The following SMARCA2 variants were observed in gnomAD, a reference collection of about 807,000 sequenced individuals.
SMARCA2 encodes the protein SWI/SNF-related matrix-associated actin-dependent regulator of chromatin subfamily A member 2.
A neutral mutation model predicts 199.8 loss-of-function variants in SMARCA2; 61 were observed. The observed-to-expected ratio is 0.31, with a 90% CI of 0.25 to 0.38. The LOEUF is 0.38. Ranked by LOEUF, SMARCA2 falls within the 10% of genes least tolerant of loss-of-function variation. SMARCA2 has a pLI of 1.00. For synonymous variants in SMARCA2, 935 were observed against 732.0 expected, an observed-to-expected ratio of 1.28 and a Z score of -4.48; for missense variants, 1,344 against 2,012.2, an observed-to-expected ratio of 0.67 and a Z score of 6.35.
intron 16 of SMARCA2, among the ~76,000 whole-genome samples, 180 bp from the exon 17 acceptor site, chr9:2,083,906 A>T (rs775971223): frequency 6.6e-6 from 1 of 152,216 alleles, no homozygotes; most frequent in Non-Finnish European, 1.5e-5. Context: ...AAAAGATCTG[A>T]AAAGGGTCAA....
intron 28 of SMARCA2, among the ~76,000 whole-genome samples, chr9:2,167,521 C>T (rs1825995678): frequency 6.6e-6 from 1 of 152,190 alleles, no homozygotes; most frequent in African/African-American, 2.4e-5. Context: ...CTGGTCAGTG[C>T]CTGGTCAGTC....
intron 2 of SMARCA2, among the ~76,000 whole-genome samples, chr9:2,032,235 A>G (rs1188180469): frequency 1.3e-5 from 2 of 152,206 alleles, no homozygotes; most frequent in Non-Finnish European, 2.9e-5. Context: ...TTTCAAACAC[A>G]TGCTTCATTG....
At chr9:2,172,439 G>C (rs1449637847) in intron 29 of SMARCA2, among the ~76,000 whole-genome samples, 2 of 151,790 alleles carry the variant, frequency 1.3e-5, no homozygotes, top group Admixed American at 1.3e-4. Context: ...AGGATGGGTG[G>C]GGGGGCAGAG....
Position 2,134,576 on chromosome 9 carries a change from GCAGT to G in SMARCA2, c.3981+10643_3981+10646del, listed in dbSNP as rs538047980. Among the ~76,000 whole-genome samples, 677 of 152,300 alleles carry G rather than the reference GCAGT, an allele frequency of 4.4e-3. 4 individuals are homozygous for G. The highest frequency in any genetic ancestry group is 8.1e-3 in the Non-Finnish European group (552 of 68,022). ...GCCTGCAGGAAAAACAATGGGGCTA[GCAGT>G]CAGGAGCCTGGAATGTGAGTTCTGA... is the stretch of plus-strand genomic sequence containing the variant. On this transcript the variant is annotated intron_variant, in intron 27 of 33. Coordinates refer to ENST00000349721, the MANE Select transcript of SMARCA2 (RefSeq NM_003070.5).
chr9:2,062,213 G>T (rs7853411), intron 9 of SMARCA2, among the ~76,000 whole-genome samples: 23,276 of 152,060 alleles, frequency 0.15, 2,559 homozygotes, highest in African/African-American at 0.32. Flanking sequence ...ATGACTTCCA[G>T]AAAAAATTTT....
At chr9:2,025,040 C>A (rs562615735) in intron 1 of SMARCA2, among the ~76,000 whole-genome samples, 31 of 152,142 alleles carry the variant, frequency 2.0e-4, no homozygotes, top group African/African-American at 7.2e-4. Flanking sequence ...AAGTTGAACT[C>A]CTTTTAATAT....
chr9:2,052,616 T>A (rs1820173624), intron 5 of SMARCA2, among the ~76,000 whole-genome samples: 1 of 152,248 alleles, frequency 6.6e-6, no homozygotes, highest in Non-Finnish European at 1.5e-5. Flanking sequence ...GATACTATTT[T>A]TAGTGAAGTC....
chr9:2,177,983 T>C (rs1369581405), intron 29 of SMARCA2, among the ~76,000 whole-genome samples: 1 of 151,950 alleles, frequency 6.6e-6, no homozygotes, highest in Non-Finnish European at 1.5e-5. Flanking sequence ...ATAGTATAGA[T>C]GTGGAATTAT....
intron 29 of SMARCA2, among the ~76,000 whole-genome samples, chr9:2,178,672 C>A (rs936539902): frequency 1.3e-5 from 2 of 152,074 alleles, no homozygotes; most frequent in South Asian, 4.2e-4. Flanking sequence ...AAAGAAATGA[C>A]AAGAATTCAG....
chr9:2,176,182 G>GT (rs56186732), intron 29 of SMARCA2, among the ~76,000 whole-genome samples: 2,189 of 104,094 alleles, frequency 0.021, 38 homozygotes, highest in Middle Eastern at 0.05. Context: ...CGCCCGGCCT[G>GT]TTTTTTTTTT....
intron 29 of SMARCA2, among the ~76,000 whole-genome samples, chr9:2,173,911 CAG>C (rs1185749716): frequency 2.0e-5 from 3 of 152,188 alleles, no homozygotes; most frequent in African/African-American, 7.2e-5. Context: ...ACATTCAGTG[CAG>C]AGAGAATCTG....
chr9:2,085,831 G>A (rs1181854568), intron 17 of SMARCA2: 1 of 152,260 alleles, frequency 6.6e-6, no homozygotes, highest in Non-Finnish European at 1.5e-5. Context: ...AGCACCAGAT[G>A]TTTTTCTTGG....
chr9:2,126,247 T>G (rs1218913363), intron 27 of SMARCA2, among the ~76,000 whole-genome samples: 2 of 152,248 alleles, frequency 1.3e-5, no homozygotes, highest in East Asian at 3.9e-4. Flanking sequence ...TGAAATGCCA[T>G]GCAACATACT....
intron 19 of SMARCA2, among the ~76,000 whole-genome samples, chr9:2,091,269 C>T (rs372060845): frequency 3.3e-5 from 5 of 152,302 alleles, no homozygotes; most frequent in African/African-American, 9.6e-5. Context: ...TTCAGTGAAA[C>T]CCTCCCTCGG....
chr9:2,058,541 T>A, intron 8 of SMARCA2, 77 bp downstream of exon 8: 1 of 1,215,674 alleles, frequency 8.2e-7, no homozygotes, highest in Admixed American at 2.2e-5. Context: ...AATATGGTGG[T>A]AGTAGAAGGA....
intron 2 of SMARCA2, 71 bp downstream of exon 2, chr9:2,029,318 C>A: frequency 1.3e-6 from 2 of 1,547,128 alleles, no homozygotes; most frequent in Non-Finnish European, 8.7e-7. Context: ...ATAACCCCAT[C>A]CCCCTTTCTA....
chr9:2,119,800 C>A lies in SMARCA2; in HGVS notation c.3762+265C>A, dbSNP rs1052844666. 1.3e-5 allele frequency among the ~76,000 whole-genome samples: 2 copies of A among 152,192 alleles called. No individual in the cohort carries two copies. The highest frequency in any genetic ancestry group is 4.1e-4 in the South Asian group (2 of 4,828). ...GCTTCTCTTGAAAAATGAGATCGGG[C>A]AGTACCAGGCCCACATCTTTGTGTG... On this transcript the variant is annotated intron_variant, in intron 26 of 33. Transcript: ENST00000349721. The surrounding 1 kb of genome is among the most constrained non-coding windows in gnomAD (Gnocchi z 4.6).
At chr9:2,192,498 T>C (rs569716901) in intron 33 of SMARCA2, 10 of 605,518 alleles carry the variant, frequency 1.7e-5, no homozygotes, top group East Asian at 1.4e-4. Flanking sequence ...TGGGCTTTGC[T>C]TTGGGGTTTT....
In SMARCA2 at chr9:2,103,661, T is replaced by TGAGAGA. The variant is rs34122859; in HGVS notation, c.3126-322_3126-317dup. On this transcript the variant is annotated intron_variant, in intron 22 of 33. Transcript: ENST00000349721. Reference sequence around the variant, plus strand: ...GTGTGTACGTGTGTGTGTGTGTGTGTGAGAGAGAGAGAGAGAGAGAGAGAG... The same window carrying TGAGAGA: ...GTGTGTACGTGTGTGTGTGTGTGTGTGAGAGAGAGAGAGAGAGAGAGAGAGAGAGAG... 1.8e-3 allele frequency among the ~76,000 whole-genome samples: 262 copies of TGAGAGA among 142,332 alleles called. 1 individual carries two copies. The highest frequency in any genetic ancestry group is 0.014 in the Middle Eastern group (4 of 288). 93.4% of individuals were successfully genotyped at this position (142,332 alleles called of 152,430 possible).
Sources: gnomAD v4.1 joint callset for allele counts (sites outside exome capture counted in the v4.1 genomes callset) on GRCh38, gnomAD v4.1.1 for gene constraint, Gnocchi (gnomAD v3.1) non-coding constraint, MANE v1.5 for transcripts, NCBI Gene and HGNC (gene_info 2026-07-23, HGNC 2026-07-21) for gene names.